Variants in ADAT2 observed in about 807,000 individuals in gnomAD.
ADAT2 encodes the protein adenosine deaminase tRNA specific 2.
ADAT2 carries 26 observed loss-of-function variants against 25.9 expected under a neutral mutation model. That is an observed-to-expected ratio of 1.00 (90% CI 0.74 to 1.39). The LOEUF is 1.39. Ranked by LOEUF, ADAT2 falls within the 40% of genes most tolerant of loss-of-function variation. The probability of loss-of-function intolerance (pLI) is 0.00; values close to 1 mark genes in which losing one functional copy is unlikely to be tolerated. For missense variants in ADAT2, 220 were observed against 244.8 expected (o/e 0.90, Z 0.68); for synonymous variants, 76 against 86.8 (o/e 0.88, Z 0.69).
intron 1 of ADAT2, among the ~76,000 whole-genome samples, chr6:143,448,423 A>T (rs911286065): frequency 2.0e-5 from 3 of 152,198 alleles, no homozygotes; most frequent in African/African-American, 7.2e-5. Flanking sequence ...AGTAAATTAA[A>T]CTTAAAACTT....
In ADAT2 at chr6:143,426,353, G is replaced by A. The variant is rs762909015; in HGVS notation, c.*2110C>T. 1.3e-5 allele frequency: 2 copies of A among 152,166 alleles called. No homozygotes were observed. The highest frequency in any genetic ancestry group is 2.9e-5 in the Non-Finnish European group (2 of 68,038). 9.4% of individuals were successfully genotyped at this position (152,166 alleles called of 1,614,324 possible). On this transcript the variant is annotated 3_prime_UTR_variant, in exon 6 of 6. Transcript: ENST00000237283. The surrounding 1 kb of genome is among the most constrained non-coding windows in gnomAD (Gnocchi z 4.1). ...AGAATTCCATAGAGCTAATGTCTAT[G>A]ACACCCTCAGTGGTCCTGCCCTCCA...
Position 143,446,649 on chromosome 6 carries a change from G to A in ADAT2, c.96+3914C>T, listed in dbSNP as rs74480883. ...AAGAAACTGAAAAGGAAGAAAGAGA[G>A]CAGAGGATATGTTGGCAAGCAGTGA... On this transcript the variant is annotated intron_variant, in intron 1 of 5. Transcript: ENST00000237283. This position sits in a 1 kb window ranked among gnomAD's most constrained non-coding sequence, Gnocchi z 5.0. Among the ~76,000 whole-genome samples the A allele has an allele frequency of 1.6e-3, 249 of 152,144 alleles. 5 individuals are homozygous for A. In the East Asian group the frequency reaches 0.043, roughly 26 times the overall value.
At chr6:143,439,877 T>G (rs1454310777) in intron 1 of ADAT2, among the ~76,000 whole-genome samples, 5 of 152,168 alleles carry the variant, frequency 3.3e-5, no homozygotes, top group African/African-American at 4.8e-5. Flanking sequence ...AAAAACAAGT[T>G]TAGGAACACT....
At chr6:143,445,977 A>G (rs540215562) in intron 1 of ADAT2, among the ~76,000 whole-genome samples, 128 of 152,066 alleles carry the variant, frequency 8.4e-4, no homozygotes, top group Middle Eastern at 6.8e-3. Flanking sequence ...TTCTATACAC[A>G]TATGTATAGA....
rs555150877 is a variant in ADAT2, at chr6:143,427,244, C to T, written c.*1219G>A. ...TTACATTCCAGCCTGTAATGTAATT[C>T]AAAACAAACAAGTCAGAGACATCGC... On this transcript the variant is annotated 3_prime_UTR_variant, in exon 6 of 6. Coordinates refer to ENST00000237283, the MANE Select transcript of ADAT2 (RefSeq NM_182503.3). 2 of 152,658 alleles carry T rather than the reference C, an allele frequency of 1.3e-5. No individual in the cohort carries two copies. The highest frequency in any genetic ancestry group is 4.2e-4 in the South Asian group (2 of 4,812). The allele number at this position is 152,658 out of a possible 1,614,324, so 9.5% of individuals were successfully genotyped here.
In ADAT2 at chr6:143,442,190, T is replaced by G. The variant is rs1258534436; in HGVS notation, c.97-3496A>C. Among the ~76,000 whole-genome samples, 1 of 152,162 alleles carries G rather than the reference T, an allele frequency of 6.6e-6. No individual in the cohort carries two copies. The highest frequency in any genetic ancestry group is 2.4e-5 in the African/African-American group (1 of 41,430). Reference sequence around the variant, plus strand: ...TCAGTGGGTGAACTGCTAAACAAACTATGGTACACCTGTACCATGGGACAC... The same window carrying G: ...TCAGTGGGTGAACTGCTAAACAAACGATGGTACACCTGTACCATGGGACAC... On this transcript the variant is annotated intron_variant, in intron 1 of 5. Coordinates refer to ENST00000237283, the MANE Select transcript of ADAT2 (RefSeq NM_182503.3). This position sits in a 1 kb window ranked among gnomAD's most constrained non-coding sequence, Gnocchi z 4.6.
chr6:143,435,521 C>T (rs942366274), intron 2 of ADAT2, among the ~76,000 whole-genome samples: 3 of 150,508 alleles, frequency 2.0e-5, no homozygotes, highest in African/African-American at 7.3e-5. Flanking sequence ...ATAGAAGAAA[C>T]CCCGGTCACT....
intron 1 of ADAT2, among the ~76,000 whole-genome samples, chr6:143,449,349 G>A (rs1293008071): frequency 6.6e-6 from 1 of 152,162 alleles, no homozygotes; most frequent in East Asian, 1.9e-4. Context: ...ACTGCATCTG[G>A]CCATGCTACT....
rs1778945507 is a variant in ADAT2, at chr6:143,426,779, A to G, written c.*1684T>C. On this transcript the variant is annotated 3_prime_UTR_variant, in exon 6 of 6. Transcript: ENST00000237283. The surrounding 1 kb of genome is among the most constrained non-coding windows in gnomAD (Gnocchi z 4.1). ...TAATTTCATTTAGCAAATGTTTACCAAGAACCTACTGGACATAAGATGCTC... is the reference window on the plus strand; with the variant it reads ...TAATTTCATTTAGCAAATGTTTACCGAGAACCTACTGGACATAAGATGCTC... 5.9e-5 allele frequency: 9 copies of G among 152,182 alleles called. No homozygotes were observed. Among genetic ancestry groups the G allele is most frequent in the Admixed American group, 5.9e-4 (9 of 15,282 alleles). The allele number at this position is 152,182 out of a possible 1,614,324, so 9.4% of individuals were successfully genotyped here. A position where few individuals can be genotyped will look rare whatever the true frequency, so the allele number is the denominator to read the frequency against.
intron 2 of ADAT2, among the ~76,000 whole-genome samples, chr6:143,435,308 A>G (rs551970930): frequency 1.3e-5 from 2 of 152,320 alleles, no homozygotes; most frequent in African/African-American, 4.8e-5. Flanking sequence ...AAGAAAAAGA[A>G]GCTAAGCAAA....
In ADAT2 at chr6:143,442,846, G is replaced by C. The variant is rs1426986756; in HGVS notation, c.97-4152C>G. On this transcript the variant is annotated intron_variant, in intron 1 of 5. Transcript: ENST00000237283. This position sits in a 1 kb window ranked among gnomAD's most constrained non-coding sequence, Gnocchi z 4.6. ...TGGTCAAGTGTGTCTAATTCAGCAA[G>C]GTGGTGGCAATTTAGGTGGAATGGT... 1.3e-5 allele frequency among the ~76,000 whole-genome samples: 2 copies of C among 152,148 alleles called. No individual in the cohort carries two copies. Among genetic ancestry groups the C allele is most frequent in the African/African-American group, 4.8e-5 (2 of 41,440 alleles).
rs374032837 is a variant in ADAT2 at position 143,428,602 on chromosome 6, G to A, written c.532+10C>T. On this transcript the variant is annotated intron_variant, in intron 5 of 5. Transcript: ENST00000237283. This position sits in a 1 kb window ranked among gnomAD's most constrained non-coding sequence, Gnocchi z 5.0. ...TAAGGGAAGGACATTATCCACAACA[G>A]AAAACTGACCATTTGGATTTTCTTG... The A allele has an allele frequency of 1.1e-4, 179 of 1,613,772 alleles. No homozygotes were observed. Among genetic ancestry groups the A allele is most frequent in the Non-Finnish European group, 1.4e-4 (169 of 1,179,900 alleles).
chr6:143,445,850 T>C (rs1029291281), intron 1 of ADAT2, among the ~76,000 whole-genome samples: 1 of 152,188 alleles, frequency 6.6e-6, no homozygotes, highest in African/African-American at 2.4e-5. Context: ...TGGTGTTTGC[T>C]TTCTTTTCGA....
rs1779481321 is a variant in ADAT2, at chr6:143,442,290, T to A, written c.97-3596A>T. On this transcript the variant is annotated intron_variant, in intron 1 of 5. Transcript: ENST00000237283. The surrounding 1 kb of genome is among the most constrained non-coding windows in gnomAD (Gnocchi z 4.6). ...TGGATCTCATGGGAATCATGCTGAA[T>A]GGAGAAAGCCAAGCCAAATGGTTAC... is the stretch of plus-strand genomic sequence containing the variant. 6.6e-6 allele frequency among the ~76,000 whole-genome samples: 1 copy of A among 152,100 alleles called. No individual in the cohort carries two copies. The highest frequency in any genetic ancestry group is 1.5e-5 in the Non-Finnish European group (1 of 68,032).
At chr6:143,430,464 G>T (rs1779073030) in intron 4 of ADAT2, among the ~76,000 whole-genome samples, 1 of 152,030 alleles carries the variant, frequency 6.6e-6, no homozygotes. Context: ...GGCCTCGAAG[G>T]AAACTGCACC....
chr6:143,441,063 C>T (rs1779443199), intron 1 of ADAT2, among the ~76,000 whole-genome samples: 1 of 152,194 alleles, frequency 6.6e-6, no homozygotes, highest in Admixed American at 6.5e-5. Flanking sequence ...CTGGAAAAGG[C>T]AGGCTTCCAG....
In ADAT2 at chr6:143,440,584, G is replaced by C. The variant is rs908666743; in HGVS notation, c.97-1890C>G. On this transcript the variant is annotated intron_variant, in intron 1 of 5. Coordinates refer to ENST00000237283, the MANE Select transcript of ADAT2 (RefSeq NM_182503.3). The surrounding 1 kb of genome is among the most constrained non-coding windows in gnomAD (Gnocchi z 4.5). The stretch of plus-strand genomic sequence containing the variant: ...AAGACTGCATTCAGGACTATTTTAT[G>C]AACTATCCACAGGCCGGTTGTGTCC... Among the ~76,000 whole-genome samples, 12 of 152,290 alleles carry C rather than the reference G, an allele frequency of 7.9e-5. No individual in the cohort carries two copies. Among genetic ancestry groups the C allele is most frequent in the South Asian group, 2.1e-4 (1 of 4,822 alleles).
chr6:143,431,375 A>C (rs757309858), intron 4 of ADAT2, among the ~76,000 whole-genome samples: 1 of 152,240 alleles, frequency 6.6e-6, no homozygotes, highest in Non-Finnish European at 1.5e-5. Context: ...GAAACTGAAA[A>C]ATTATTTAGA....
Position 143,424,529 on chromosome 6 carries a change from A to G in ADAT2, c.*3934T>C, listed in dbSNP as rs1778874875. 6.6e-6 allele frequency: 1 copy of G among 152,232 alleles called. No homozygotes were observed. Among genetic ancestry groups the G allele is most frequent in the Admixed American group, 6.5e-5 (1 of 15,290 alleles). The allele number at this position is 152,232 out of a possible 1,614,324, so 9.4% of individuals were successfully genotyped here. On this transcript the variant is annotated 3_prime_UTR_variant, in exon 6 of 6. Transcript: ENST00000237283. This position sits in a 1 kb window ranked among gnomAD's most constrained non-coding sequence, Gnocchi z 4.8. Reference sequence around the variant, plus strand: ...TTTATGACCAAATGACAACCTACCTAGAGTGTTTATCCCATTGGATCACCA... The same window carrying G: ...TTTATGACCAAATGACAACCTACCTGGAGTGTTTATCCCATTGGATCACCA...
Sources: gnomAD v4.1 joint callset for allele counts (sites outside exome capture counted in the v4.1 genomes callset) on GRCh38, gnomAD v4.1.1 for gene constraint, Gnocchi (gnomAD v3.1) non-coding constraint, MANE v1.5 for transcripts, NCBI Gene and HGNC (gene_info 2026-07-23, HGNC 2026-07-21) for gene names.